Variants in EIPR1 observed in about 807,000 individuals in gnomAD.
The protein encoded by EIPR1 is EARP and GARP complex-interacting protein 1.
A neutral mutation model predicts 48.1 loss-of-function variants in EIPR1; 25 were observed. That is an observed-to-expected ratio of 0.52 (90% CI 0.38 to 0.73). The LOEUF is 0.73. Among genes scored for constraint, EIPR1 ranks in the 30% least tolerant of loss-of-function variants. The pLI, the probability that EIPR1 is intolerant of heterozygous loss-of-function variation, is 0.00. For synonymous variants in EIPR1, 204 were observed against 201.9 expected (o/e 1.01, Z -0.09); for missense variants, 415 against 506.2 (o/e 0.82, Z 1.73).
chr2:3,341,320 T>C (rs773373262), intron 2 of EIPR1, among the ~76,000 whole-genome samples: 17 of 152,022 alleles, frequency 1.1e-4, no homozygotes, highest in Non-Finnish European at 2.2e-4. Context: ...ACCGCAGGCC[T>C]GGAGTTGGCT....
At chr2:3,373,033 T>C (rs1450575124) in intron 1 of EIPR1, among the ~76,000 whole-genome samples, 1 of 152,210 alleles carries the variant, frequency 6.6e-6, no homozygotes, top group Non-Finnish European at 1.5e-5. Flanking sequence ...TTATCCACCA[T>C]GATCAAGCGG....
At position 3,241,479 on chromosome 2, in the gene EIPR1, T is replaced by C. The variant is rs115316800; in HGVS notation, c.416+15820A>G. ...TAAAAAGAGAATTTCTATTTTATCA[T>C]GGACCATCACCATGAAACTAGTGCC... On this transcript the variant is annotated intron_variant, in intron 4 of 8. Transcript: ENST00000382125. Among the ~76,000 whole-genome samples the C allele has an allele frequency of 3.1e-3, 478 of 152,340 alleles. 1 individual carries two copies. The highest frequency in any genetic ancestry group is 5.3e-3 in the Non-Finnish European group (358 of 68,034).
At chr2:3,357,806 CT>C (rs1444371292) in intron 1 of EIPR1, among the ~76,000 whole-genome samples, 3 of 143,178 alleles carry the variant, frequency 2.1e-5, no homozygotes, top group African/African-American at 8.4e-5. Flanking sequence ...TGAAGTTTTT[CT>C]TTTAACAGAG....
At chr2:3,259,435 A>AT (rs1366357980) in intron 3 of EIPR1, among the ~76,000 whole-genome samples, 9 of 152,148 alleles carry the variant, frequency 5.9e-5, no homozygotes, top group Non-Finnish European at 1.2e-4. Context: ...GTGAAGTAAG[A>AT]TTTTCCACTC....
intron 3 of EIPR1, among the ~76,000 whole-genome samples, chr2:3,260,206 G>T (rs1043134710): frequency 2.0e-5 from 3 of 152,120 alleles, no homozygotes; most frequent in Non-Finnish European, 4.4e-5. Context: ...AAGAAATGAA[G>T]CAGTGGCCGG....
intron 3 of EIPR1, 54 bp downstream of exon 3, chr2:3,337,963 G>C (rs540230106): frequency 6.5e-7 from 1 of 1,548,860 alleles, no homozygotes; most frequent in South Asian, 1.3e-5. Context: ...CCCGTCTTAG[G>C]AAATACCTCC....
chr2:3,194,307 C>A, intron 6 of EIPR1, 141 bp from the exon 7 acceptor site: 14 of 1,005,626 alleles, frequency 1.4e-5, no homozygotes, highest in Non-Finnish European at 2.0e-5. Context: ...GCGTTCCTGC[C>A]CTGCAGGAAG....
At chr2:3,377,385 A>C in intron 1 of EIPR1, 2 of 413,624 alleles carry the variant, frequency 4.8e-6, no homozygotes. Flanking sequence ...CACCAAAGTG[A>C]GTGATAACTT....
At chr2:3,247,001 GGAGGAGAGAGCGAGGGAGGGAGAGAGC>G (rs1666840973) in intron 4 of EIPR1, among the ~76,000 whole-genome samples, 1 of 1,412 alleles carries the variant, frequency 7.1e-4, no homozygotes, top group African/African-American at 8.5e-4. Flanking sequence ...AGAGAGCGAG[GGAGGAGAGAGCGAGGGAGGGAGAGAGC>G]GAGGGAGGGA....
chr2:3,308,849 A>G (rs1284934178), intron 3 of EIPR1, among the ~76,000 whole-genome samples: 1 of 152,216 alleles, frequency 6.6e-6, no homozygotes, highest in Non-Finnish European at 1.5e-5. Flanking sequence ...AAATATTTCC[A>G]TTTTTCAAAG....
chr2:3,308,948 G>C (rs1025563500), intron 3 of EIPR1, among the ~76,000 whole-genome samples: 3 of 152,276 alleles, frequency 2.0e-5, no homozygotes, highest in African/African-American at 7.2e-5. Context: ...GAAAACTAAG[G>C]AAGTTTGCCA....
chr2:3,211,509 G>A (rs888092250), intron 5 of EIPR1, among the ~76,000 whole-genome samples: 3 of 152,190 alleles, frequency 2.0e-5, no homozygotes, highest in African/African-American at 4.8e-5. Flanking sequence ...TGGACATGGC[G>A]TTGGCTGCAA....
intron 3 of EIPR1, among the ~76,000 whole-genome samples, chr2:3,299,331 C>T (rs1668693795): frequency 7.4e-6 from 1 of 135,856 alleles, no homozygotes; most frequent in South Asian, 2.3e-4. Flanking sequence ...ACTGTCCTGG[C>T]CCCTTGTCCT....
At chr2:3,358,617 A>G (rs1670787796) in intron 1 of EIPR1, among the ~76,000 whole-genome samples, 1 of 152,228 alleles carries the variant, frequency 6.6e-6, no homozygotes, top group Non-Finnish European at 1.5e-5. Context: ...GCCTTCTGCC[A>G]AAAAGGTGCA....
At chr2:3,231,302 C>T (rs1666236278) in intron 4 of EIPR1, among the ~76,000 whole-genome samples, 1 of 152,054 alleles carries the variant, frequency 6.6e-6, no homozygotes, top group Non-Finnish European at 1.5e-5. Context: ...ATACTTTTTC[C>T]TTTCTGATCT....
intron 4 of EIPR1, among the ~76,000 whole-genome samples, chr2:3,220,378 G>A (rs1665837385): frequency 6.6e-6 from 1 of 151,344 alleles, no homozygotes; most frequent in African/African-American, 2.4e-5. Context: ...ATAGAGTCAA[G>A]TGCACGTGCA....
intron 4 of EIPR1, among the ~76,000 whole-genome samples, chr2:3,245,753 T>C (rs1191044487): frequency 2.0e-5 from 3 of 152,182 alleles, no homozygotes; most frequent in African/African-American, 4.8e-5. Flanking sequence ...CCAGCACTGA[T>C]GTAAATCTTT....
chr2:3,197,321 A>T (rs1664845902), intron 5 of EIPR1, among the ~76,000 whole-genome samples: 1 of 152,240 alleles, frequency 6.6e-6, no homozygotes, highest in Non-Finnish European at 1.5e-5. Context: ...AAACAATACA[A>T]AACAACTCAA....
chr2:3,231,306 C>T (rs758889190), intron 4 of EIPR1, among the ~76,000 whole-genome samples: 2 of 152,112 alleles, frequency 1.3e-5, no homozygotes, highest in Non-Finnish European at 2.9e-5. Context: ...TTTTTCCTTT[C>T]TGATCTGGAT....
Sources: allele counts gnomAD v4.1 joint callset (sites outside exome capture counted in the v4.1 genomes callset), GRCh38; gene constraint gnomAD v4.1.1; transcripts MANE v1.5; gene names NCBI Gene and HGNC (gene_info 2026-07-23, HGNC 2026-07-21).